CPA5: variants seen among roughly 807,000 people sequenced by gnomAD.
CPA5 encodes testicular tissue protein Li 32.
A neutral mutation model predicts 52.2 loss-of-function variants in CPA5; 38 were observed. The observed-to-expected ratio is 0.73, with a 90% CI of 0.56 to 0.95. The LOEUF (loss-of-function observed/expected upper bound fraction) is 0.95, where lower values mean the gene tolerates loss of function less well. Among genes scored for constraint, CPA5 ranks in the 40% least tolerant of loss-of-function variants. CPA5 has a pLI of 0.00. For synonymous variants in CPA5, 198 were observed against 213.7 expected (o/e 0.93, Z 0.64); for missense variants, 519 against 566.7 (o/e 0.92, Z 0.86).
At chr7:130,361,272 ACT>A (rs2117411684) in intron 7 of CPA5, 28 bp downstream of exon 7, 1 of 1,492,098 alleles carries the variant, frequency 6.7e-7, no homozygotes, top group Non-Finnish European at 9.4e-7. Context: ...CAACCTGTAG[ACT>A]CTACCTTGAG....
At chr7:130,353,121 TA>T (rs1320910065) in intron 5 of CPA5, among the ~76,000 whole-genome samples, 1 of 151,970 alleles carries the variant, frequency 6.6e-6, no homozygotes, top group African/African-American at 2.4e-5. Flanking sequence ...TTCTCCCATT[TA>T]AAAAAACCCT....
chr7:130,352,042 A>G (rs1795179689), intron 5 of CPA5, among the ~76,000 whole-genome samples: 1 of 152,142 alleles, frequency 6.6e-6, no homozygotes, highest in African/African-American at 2.4e-5. Context: ...TTGAGGCTTG[A>G]TAAATGTCAG....
chr7:130,369,176 G>A (rs1227946371), downstream of CPA5, among the ~76,000 whole-genome samples: 1 of 152,120 alleles, frequency 6.6e-6, no homozygotes, highest in African/African-American at 2.4e-5. Context: ...CTCCCCCCGA[G>A]GTGTCCTCAA....
intron 5 of CPA5, among the ~76,000 whole-genome samples, chr7:130,351,569 C>T (rs1795144583): frequency 6.6e-6 from 1 of 152,136 alleles, no homozygotes; most frequent in South Asian, 2.1e-4. Flanking sequence ...TTCACCAACT[C>T]GCTCTTCCTG....
chr7:130,359,370 G>A (rs1346800702), intron 5 of CPA5, among the ~76,000 whole-genome samples: 2 of 152,230 alleles, frequency 1.3e-5, no homozygotes, highest in East Asian at 3.9e-4. Flanking sequence ...TCCTTGCCCT[G>A]TGATCATTTG....
Position 130,345,046 on chromosome 7 carries a change from A to C in CPA5, c.-311A>C, listed in dbSNP as rs1794653754. The C allele has an allele frequency of 6.6e-6, 1 of 152,164 alleles. No homozygotes were observed. The highest frequency in any genetic ancestry group is 6.5e-5 in the Admixed American group (1 of 15,278). 9.4% of individuals were successfully genotyped at this position (152,164 alleles called of 1,614,324 possible). On this transcript the variant is annotated 5_prime_UTR_variant, in exon 1 of 13. Transcript: ENST00000474905. ...AGTACACCCTTTTATCTCCATTGCT[A>C]CTGAAGCTGAATGTTACTTGGGTGG...
At chr7:130,346,105 C>T (rs1301568923) in intron 2 of CPA5, among the ~76,000 whole-genome samples, 2 of 152,094 alleles carry the variant, frequency 1.3e-5, no homozygotes, top group Non-Finnish European at 2.9e-5. Flanking sequence ...AGAAGAAGAG[C>T]GAAAGAGAAG....
At chr7:130,361,045 AAG>A (rs1795762601) in intron 6 of CPA5, 96 bp from the exon 7 acceptor site, 1 of 778,176 alleles carries the variant, frequency 1.3e-6, no homozygotes, top group Non-Finnish European at 2.2e-6. Context: ...CAAAGCATTG[AAG>A]AGAGTGGGAA....
chr7:130,349,837 C>A, intron 4 of CPA5, 138 bp from the exon 5 acceptor site: 1 of 963,978 alleles, frequency 1.0e-6, no homozygotes, highest in Non-Finnish European at 1.5e-6. Context: ...TTTGGGACAT[C>A]ACACCCCCGT....
intron 5 of CPA5, among the ~76,000 whole-genome samples, chr7:130,354,170 C>T (rs990464828): frequency 2.6e-5 from 4 of 152,106 alleles, no homozygotes; most frequent in South Asian, 2.1e-4. Context: ...TCAGGCAACC[C>T]GCCAACCTCG....
At chr7:130,347,941 C>T (rs67016751) in intron 4 of CPA5, 94 bp downstream of exon 4, 113,835 of 945,088 alleles carry the variant, frequency 0.12, 8,090 homozygotes, top group African/African-American at 0.26. Flanking sequence ...CCCAAACCTG[C>T]CCTCCTGAGG....
intron 10 of CPA5, among the ~76,000 whole-genome samples, chr7:130,364,037 C>CT (rs1470578715): frequency 9.9e-5 from 15 of 151,748 alleles, no homozygotes; most frequent in Middle Eastern, 3.4e-3. Context: ...TTCTTGTTTT[C>CT]TTTTTTTTGA....
At chr7:130,359,927 T>TA (rs1176028872) in intron 6 of CPA5, among the ~76,000 whole-genome samples, 2 of 152,138 alleles carry the variant, frequency 1.3e-5, no homozygotes, top group Non-Finnish European at 2.9e-5. Flanking sequence ...CCTAGACAGG[T>TA]ACAGAGCAGA....
rs1584837722 is a variant in CPA5, at chr7:130,367,309, G to T, written c.839-63G>T. On this transcript the variant is annotated intron_variant, in intron 10 of 12. Coordinates refer to ENST00000474905, the MANE Select transcript of CPA5 (RefSeq NM_080385.5). ...ATGTAGGGGAACACACAGGTATTTT[G>T]TGAGCACCGTCTGTGTCGCACGTGG... The T allele has an allele frequency of 2.1e-6, 3 of 1,435,346 alleles. No individual in the cohort carries two copies. The East Asian group carries it at 6.8e-5, about 33-fold the overall frequency. The allele number at this position is 1,435,346 out of a possible 1,614,324, so 88.9% of individuals were successfully genotyped here.
At chr7:130,353,221 T>A (rs1226104726) in intron 5 of CPA5, among the ~76,000 whole-genome samples, 2 of 114,206 alleles carry the variant, frequency 1.8e-5, no homozygotes, top group East Asian at 5.5e-4. Context: ...TGACTCTCCC[T>A]GTCATCTCCA....
intron 5 of CPA5, among the ~76,000 whole-genome samples, chr7:130,357,082 C>A (rs1554405386): frequency 6.6e-6 from 1 of 152,248 alleles, no homozygotes; most frequent in Non-Finnish European, 1.5e-5. Flanking sequence ...GCAATCCCAG[C>A]TTTGCCCCTG....
At chr7:130,353,655 C>T (rs945705400) in intron 5 of CPA5, among the ~76,000 whole-genome samples, 5 of 152,266 alleles carry the variant, frequency 3.3e-5, no homozygotes, top group Non-Finnish European at 7.3e-5. Flanking sequence ...ACAGATTTAT[C>T]GCTGCCTTCA....
downstream of CPA5, among the ~76,000 whole-genome samples, chr7:130,371,142 C>G (rs1796291055): frequency 6.6e-6 from 1 of 152,196 alleles, no homozygotes. Flanking sequence ...ATTTGAATGC[C>G]AAATTGGACA....
rs1444987223 is a variant in CPA5 at position 130,368,667 on chromosome 7, A to G, written c.*70A>G. ...TGTGGCTCCTCCCGAAACCCAAGTT[A>G]TGCATCCCCATCCCCATGCCCTCAT... On this transcript the variant is annotated 3_prime_UTR_variant, in exon 13 of 13. Transcript: ENST00000474905. 1 of 1,483,876 alleles carries G rather than the reference A, an allele frequency of 6.7e-7. No homozygotes were observed. Among genetic ancestry groups the G allele is most frequent in the Non-Finnish European group, 9.4e-7 (1 of 1,069,356 alleles). The allele number at this position is 1,483,876 out of a possible 1,614,324, so 91.9% of individuals were successfully genotyped here. A position where few individuals can be genotyped will look rare whatever the true frequency, so the allele number is the denominator to read the frequency against.
Sources: gnomAD v4.1 joint callset for allele counts (sites outside exome capture counted in the v4.1 genomes callset) on GRCh38, gnomAD v4.1.1 for gene constraint, MANE v1.5 for transcripts, NCBI Gene and HGNC (gene_info 2026-07-23, HGNC 2026-07-21) for gene names.